The following DYNC2H1 variants were observed in gnomAD, a reference collection of about 807,000 sequenced individuals.
DYNC2H1 encodes the protein dynein cytoplasmic 2 heavy chain 1, also known as cytoplasmic dynein 2 heavy chain 1.
A neutral mutation model predicts 570.0 loss-of-function variants in DYNC2H1; 410 were observed. The observed-to-expected ratio is 0.72, with a 90% CI of 0.66 to 0.78. The LOEUF is 0.78. Among genes scored for constraint, DYNC2H1 ranks in the 30% least tolerant of loss-of-function variants. The pLI is 0.00. For synonymous variants in DYNC2H1, 1,688 were observed against 1,677.6 expected, an observed-to-expected ratio of 1.01 and a Z score of -0.15; for missense variants, 4,865 against 5,046.4, an observed-to-expected ratio of 0.96 and a Z score of 1.09.
At chr11:103,149,357 G>C (rs1170757107) in intron 20 of DYNC2H1, among the ~76,000 whole-genome samples, 1 of 152,114 alleles carries the variant, frequency 6.6e-6, no homozygotes, top group East Asian at 1.9e-4. Flanking sequence ...TATCCAGAAG[G>C]CTAGAGCCCA....
At chr11:103,166,440 G>T (rs933082101) in intron 31 of DYNC2H1, among the ~76,000 whole-genome samples, 3 of 152,144 alleles carry the variant, frequency 2.0e-5, no homozygotes, top group Middle Eastern at 6.8e-3. Context: ...CTTTATTCCT[G>T]ATGTTCCAGG....
intron 83 of DYNC2H1, among the ~76,000 whole-genome samples, chr11:103,359,945 G>A (rs1198446436): frequency 1.3e-5 from 2 of 151,926 alleles, no homozygotes; most frequent in Non-Finnish European, 2.9e-5. Context: ...GATTACAGGC[G>A]TGAGCCACCA....
chr11:103,244,708 A>G lies in DYNC2H1; in HGVS notation c.9919-543A>G, dbSNP rs1864542445. Among the ~76,000 whole-genome samples, 1 of 148,210 alleles carries G rather than the reference A, an allele frequency of 6.7e-6. No homozygotes were observed. Among genetic ancestry groups the G allele is most frequent in the Non-Finnish European group, 1.5e-5 (1 of 67,196 alleles). ...GTTATAGTTATATACATATATCACT[A>G]TACTATATATCTTATATACATATAA... On this transcript the variant is annotated intron_variant, in intron 64 of 88. Coordinates refer to ENST00000375735, the MANE Select transcript of DYNC2H1 (RefSeq NM_001377.3). This position sits in a 1 kb window ranked among gnomAD's most constrained non-coding sequence, Gnocchi z 4.3.
At chr11:103,292,803 T>C (rs1591534736) in intron 75 of DYNC2H1, among the ~76,000 whole-genome samples, 1 of 152,258 alleles carries the variant, frequency 6.6e-6, no homozygotes, top group East Asian at 1.9e-4. Context: ...TCCTTTGCCT[T>C]CTGCCATCAG....
In DYNC2H1 at chr11:103,278,372, A is replaced by G. The variant is rs565422458; in HGVS notation, c.10696-1976A>G. On this transcript the variant is annotated intron_variant, in intron 70 of 88. Coordinates refer to ENST00000375735, the MANE Select transcript of DYNC2H1 (RefSeq NM_001377.3). ...CTAGGTACCATGCTAAGTGCTTCAGATACATTATCTAATCTAATTATTAAA... is the reference window on the plus strand; with the variant it reads ...CTAGGTACCATGCTAAGTGCTTCAGGTACATTATCTAATCTAATTATTAAA... Among the ~76,000 whole-genome samples the G allele has an allele frequency of 9.2e-5, 14 of 152,284 alleles. No individual in the cohort carries two copies. The South Asian group carries it at 2.9e-3, about 32-fold the overall frequency.
At chr11:103,397,604 A>G (rs759197430) in intron 83 of DYNC2H1, among the ~76,000 whole-genome samples, 14 of 152,170 alleles carry the variant, frequency 9.2e-5, no homozygotes, top group Non-Finnish European at 1.9e-4. Flanking sequence ...CAACCTTTTA[A>G]AAAGTTTAGG....
intron 83 of DYNC2H1, among the ~76,000 whole-genome samples, chr11:103,394,910 G>C (rs1416186850): frequency 6.6e-6 from 1 of 151,928 alleles, no homozygotes; most frequent in East Asian, 2.0e-4. Flanking sequence ...TGGGTGGCAA[G>C]AAATTCTATA....
At position 103,289,151 on chromosome 11, in the gene DYNC2H1, A is replaced by G. The variant is rs1230209530; in HGVS notation, c.11095+1546A>G. On this transcript the variant is annotated intron_variant, in intron 75 of 88. Transcript: ENST00000375735. This position sits in a 1 kb window ranked among gnomAD's most constrained non-coding sequence, Gnocchi z 4.2. ...CACCCCCACTGTGATTCCATCTCCAATGTGACCAATCAGCACTCCCCACTT... is the reference window on the plus strand; with the variant it reads ...CACCCCCACTGTGATTCCATCTCCAGTGTGACCAATCAGCACTCCCCACTT... Among the ~76,000 whole-genome samples, 2 of 152,244 alleles carry G rather than the reference A, an allele frequency of 1.3e-5. No homozygotes were observed. The highest frequency in any genetic ancestry group is 2.4e-5 in the African/African-American group (1 of 41,546).
intron 83 of DYNC2H1, among the ~76,000 whole-genome samples, chr11:103,396,296 G>A (rs772268663): frequency 3.3e-5 from 5 of 152,112 alleles, no homozygotes; most frequent in Non-Finnish European, 7.4e-5. Context: ...TCAGGAATAG[G>A]CCAAATCTAG....
chr11:103,316,475 A>T, intron 79 of DYNC2H1, 70 bp from the exon 80 acceptor site: 1 of 1,016,616 alleles, frequency 9.8e-7, no homozygotes, highest in Non-Finnish European at 1.4e-6. Flanking sequence ...TAATTTAAAG[A>T]CAGTGATACA....
At chr11:103,262,910 A>G (rs76989848) in intron 70 of DYNC2H1, among the ~76,000 whole-genome samples, 1 of 151,428 alleles carries the variant, frequency 6.6e-6, no homozygotes, top group Non-Finnish European at 1.5e-5. Context: ...GGCAAATAGG[A>G]TAGAGTCAAC....
intron 36 of DYNC2H1, among the ~76,000 whole-genome samples, chr11:103,174,980 A>G (rs1006393596): frequency 6.6e-6 from 1 of 151,958 alleles, no homozygotes; most frequent in Non-Finnish European, 1.5e-5. Context: ...ATATTATTTG[A>G]AATTCTTCTG....
At chr11:103,378,285 CTT>C (rs1474923045) in intron 83 of DYNC2H1, among the ~76,000 whole-genome samples, 1 of 152,156 alleles carries the variant, frequency 6.6e-6, no homozygotes, top group Admixed American at 6.5e-5. Flanking sequence ...CTAGAAGTCA[CTT>C]TGCTCTTTCA....
chr11:103,318,587 C>A (rs951156904), intron 80 of DYNC2H1, among the ~76,000 whole-genome samples: 3 of 152,016 alleles, frequency 2.0e-5, no homozygotes, highest in Admixed American at 6.6e-5. Flanking sequence ...GGTAATGCTG[C>A]TATACCTTTA....
rs996750723 is a variant in DYNC2H1 at position 103,261,693 on chromosome 11, G to T, written c.10695+1716G>T. 1.3e-5 allele frequency among the ~76,000 whole-genome samples: 2 copies of T among 152,118 alleles called. No individual in the cohort carries two copies. The highest frequency in any genetic ancestry group is 4.8e-5 in the African/African-American group (2 of 41,390). Reference sequence around the variant, plus strand: ...CATCTATACAAAAACCCCATCCGAAGGTCACCAAGATCAAAGACCAAAGGT... The same window carrying T: ...CATCTATACAAAAACCCCATCCGAATGTCACCAAGATCAAAGACCAAAGGT... On this transcript the variant is annotated intron_variant, in intron 70 of 88. Coordinates refer to ENST00000375735, the MANE Select transcript of DYNC2H1 (RefSeq NM_001377.3). This position sits in a 1 kb window ranked among gnomAD's most constrained non-coding sequence, Gnocchi z 4.8.
intron 60 of DYNC2H1, among the ~76,000 whole-genome samples, chr11:103,233,517 T>A (rs992867242): frequency 5.3e-5 from 8 of 151,952 alleles, no homozygotes; most frequent in African/African-American, 9.6e-5. Context: ...TTTATTTGTA[T>A]TTTTAGTGGT....
At chr11:103,187,280 A>G in intron 42 of DYNC2H1, 60 bp from the exon 43 acceptor site, 1 of 1,597,072 alleles carries the variant, frequency 6.3e-7, no homozygotes, top group Non-Finnish European at 8.5e-7. Flanking sequence ...CTTATTGAGT[A>G]TAAAATGTAT....
rs371746449 is a variant in DYNC2H1, at chr11:103,215,915, TAGTC to T, written c.8832+61_8832+64del. 2.0e-5 allele frequency: 31 copies of T among 1,554,740 alleles called. 1 individual carries two copies. The highest frequency in any genetic ancestry group is 3.4e-4 in the Middle Eastern group (2 of 5,826). The stretch of plus-strand genomic sequence containing the variant: ...CAATATGGAGAGCATTTATGCCTGA[TAGTC>T]AGTGAAAAATAACATTTTCACTTAG... On this transcript the variant is annotated intron_variant, in intron 55 of 88. Coordinates refer to ENST00000375735, the MANE Select transcript of DYNC2H1 (RefSeq NM_001377.3).
At chr11:103,260,017 G>A (rs984612856) in intron 70 of DYNC2H1, 40 bp downstream of exon 70, 2 of 1,070,628 alleles carry the variant, frequency 1.9e-6, no homozygotes, top group Non-Finnish European at 1.3e-6. Context: ...AATACTACTT[G>A]TTCTGTGATT....
Sources: allele counts gnomAD v4.1 joint callset (sites outside exome capture counted in the v4.1 genomes callset), GRCh38; gene constraint gnomAD v4.1.1; non-coding constraint Gnocchi (gnomAD v3.1); transcripts MANE v1.5; gene names NCBI Gene and HGNC (gene_info 2026-07-23, HGNC 2026-07-21).